The following SIK2 variants were observed in gnomAD, a reference collection of about 807,000 sequenced individuals.
SIK2 encodes the protein salt inducible kinase 2, also known as serine/threonine-protein kinase SIK2.
Under a neutral mutation model 103.2 loss-of-function variants are expected in SIK2, and 29 were observed. That is an observed-to-expected ratio of 0.28 (90% CI 0.21 to 0.38). The LOEUF is 0.38. Among genes scored for constraint, SIK2 ranks in the 10% least tolerant of loss-of-function variants. The probability of loss-of-function intolerance (pLI) is 1.00; values close to 1 mark genes in which losing one functional copy is unlikely to be tolerated. For missense variants in SIK2, 879 were observed against 1,171.0 expected, an observed-to-expected ratio of 0.75 and a Z score of 3.64; for synonymous variants, 412 against 446.1, an observed-to-expected ratio of 0.92 and a Z score of 0.96.
rs1943848607 is a variant in SIK2, at chr11:111,722,996, CTT to C, written c.2147+242_2147+243del. On this transcript the variant is annotated intron_variant, in intron 14 of 14. Coordinates refer to ENST00000304987, the MANE Select transcript of SIK2 (RefSeq NM_015191.3). This position sits in a 1 kb window ranked among gnomAD's most constrained non-coding sequence, Gnocchi z 4.4. Reference sequence around the variant, plus strand: ...TTTTCCTTTTCTTCTAGCGTTTCCTCTTTGGGGTATGACTAGCTCCAAGCTTT... The same window carrying C: ...TTTTCCTTTTCTTCTAGCGTTTCCTCTGGGGTATGACTAGCTCCAAGCTTT... Among the ~76,000 whole-genome samples, 1 of 152,208 alleles carries C rather than the reference CTT, an allele frequency of 6.6e-6. No homozygotes were observed. Among genetic ancestry groups the C allele is most frequent in the African/African-American group, 2.4e-5 (1 of 41,458 alleles).
At chr11:111,680,404 T>C (rs935382396) in intron 3 of SIK2, among the ~76,000 whole-genome samples, 5 of 152,170 alleles carry the variant, frequency 3.3e-5, no homozygotes, top group African/African-American at 1.2e-4. Flanking sequence ...CAGGATTTAA[T>C]TGAGTTTTTT....
chr11:111,641,592 A>C (rs1433261608), intron 3 of SIK2, among the ~76,000 whole-genome samples: 1 of 152,036 alleles, frequency 6.6e-6, no homozygotes, highest in African/African-American at 2.4e-5. Context: ...TTAGTCCCTC[A>C]TTAATTCATT....
At chr11:111,723,282 C>T (rs1331401310) in intron 14 of SIK2, among the ~76,000 whole-genome samples, 1 of 152,148 alleles carries the variant, frequency 6.6e-6, no homozygotes, top group African/African-American at 2.4e-5. Flanking sequence ...CATTCCTGCT[C>T]ACGTTAGTAC....
At chr11:111,623,868 GTCTAC>G (rs1278127107) in intron 3 of SIK2, among the ~76,000 whole-genome samples, 1 of 152,202 alleles carries the variant, frequency 6.6e-6, no homozygotes, top group Non-Finnish European at 1.5e-5. Context: ...TCTCAGCATT[GTCTAC>G]TCAACTCAAA....
chr11:111,616,835 A>G (rs1941813052), intron 2 of SIK2, among the ~76,000 whole-genome samples: 2 of 152,182 alleles, frequency 1.3e-5, no homozygotes, highest in South Asian at 4.2e-4. Context: ...TGTCTCTTAA[A>G]AAAAAAAAGA....
At chr11:111,623,171 A>T (rs1476406131) in intron 3 of SIK2, among the ~76,000 whole-genome samples, 1 of 152,154 alleles carries the variant, frequency 6.6e-6, no homozygotes, top group Non-Finnish European at 1.5e-5. Flanking sequence ...TTCTTCTGCC[A>T]TTAATCCCAT....
intron 3 of SIK2, among the ~76,000 whole-genome samples, chr11:111,622,346 C>T (rs1444462622): frequency 3.3e-5 from 5 of 149,676 alleles, no homozygotes; most frequent in Non-Finnish European, 4.4e-5. Flanking sequence ...AGCTCCGCCT[C>T]CCAGGTTCAC....
At position 111,602,595 on chromosome 11, in the gene SIK2, A is replaced by C; in HGVS notation, c.32A>C (p.Gln11Pro). MVMADGPRHL[Q>P]RGPVRVGFYD... ...ATGGCGGATGGCCCGAGGCACTTGCAGCGCGGGCCGGTCCGGGTGGGGTTC... is the reference window on the plus strand; with the variant it reads ...ATGGCGGATGGCCCGAGGCACTTGCCGCGCGGGCCGGTCCGGGTGGGGTTC... The change falls in exon 1 of 15, where the codon CAG becomes CCG. Residue 11 changes from glutamine to proline, a missense_variant. Around this residue, in one of 7 missense-constraint regions of SIK2, gnomAD observed 47 missense variants for 43.9 expected, o/e 1.07. Coordinates refer to ENST00000304987, the MANE Select transcript of SIK2 (RefSeq NM_015191.3). The surrounding 1 kb of genome is among the most constrained non-coding windows in gnomAD (Gnocchi z 4.5). 1 of 1,530,968 alleles carries C rather than the reference A, an allele frequency of 6.5e-7. No individual in the cohort carries two copies. Among genetic ancestry groups the C allele is most frequent in the Non-Finnish European group, 8.8e-7 (1 of 1,138,860 alleles). The allele number at this position is 1,530,968 out of a possible 1,614,324, so 94.8% of individuals were successfully genotyped here.
intron 4 of SIK2, among the ~76,000 whole-genome samples, chr11:111,692,751 G>T (rs1207761558): frequency 1.3e-5 from 2 of 151,840 alleles, no homozygotes; most frequent in East Asian, 3.9e-4. Flanking sequence ...GAAAAATAGG[G>T]CTCTGTGGGA....
chr11:111,693,032 G>T (rs138781954), intron 4 of SIK2, among the ~76,000 whole-genome samples: 1 of 152,010 alleles, frequency 6.6e-6, no homozygotes, highest in East Asian at 1.9e-4. Context: ...TGTTTTCCCC[G>T]TGGGTAAAAA....
chr11:111,665,544 C>T (rs1942527675), intron 3 of SIK2, among the ~76,000 whole-genome samples: 1 of 151,924 alleles, frequency 6.6e-6, no homozygotes, highest in African/African-American at 2.4e-5. Flanking sequence ...AATATCGGGG[C>T]TGGGCGTGGT....
chr11:111,606,746 G>A (rs1941653806), intron 1 of SIK2, among the ~76,000 whole-genome samples: 1 of 151,892 alleles, frequency 6.6e-6, no homozygotes, highest in Non-Finnish European at 1.5e-5. Flanking sequence ...AAGTAACAAG[G>A]TATTATTTTT....
intron 6 of SIK2, among the ~76,000 whole-genome samples, chr11:111,702,798 G>A (rs752679263): frequency 2.2e-4 from 33 of 152,180 alleles, no homozygotes; most frequent in Non-Finnish European, 3.2e-4. Context: ...GCAGCAGCCC[G>A]TTGGAGAGCT....
intron 2 of SIK2, among the ~76,000 whole-genome samples, chr11:111,617,092 T>A (rs1418241800): frequency 6.6e-6 from 1 of 152,172 alleles, no homozygotes; most frequent in African/African-American, 2.4e-5. Flanking sequence ...GTTATAATAA[T>A]TTTTGTAAAA....
At chr11:111,717,172 C>T (rs912542864) in intron 9 of SIK2, among the ~76,000 whole-genome samples, 1 of 151,684 alleles carries the variant, frequency 6.6e-6, no homozygotes, top group African/African-American at 2.4e-5. Context: ...AAAAATTAGC[C>T]GGGCGTGGTG....
At chr11:111,640,821 G>A (rs1942173059) in intron 3 of SIK2, among the ~76,000 whole-genome samples, 1 of 125,086 alleles carries the variant, frequency 8.0e-6, no homozygotes. Flanking sequence ...TGCAAGCTCC[G>A]CCTCCCGGGT....
At chr11:111,626,833 C>T (rs1204487715) in intron 3 of SIK2, among the ~76,000 whole-genome samples, 2 of 152,098 alleles carry the variant, frequency 1.3e-5, no homozygotes, top group African/African-American at 4.8e-5. Context: ...TTAAACATGC[C>T]TTGCTCTTAA....
chr11:111,697,544 G>A (rs1264374909), intron 4 of SIK2, among the ~76,000 whole-genome samples: 1 of 152,186 alleles, frequency 6.6e-6, no homozygotes, highest in African/African-American at 2.4e-5. Flanking sequence ...TTCATGAAAT[G>A]TAAGTGTTGT....
chr11:111,637,196 T>G (rs1044448948), intron 3 of SIK2, among the ~76,000 whole-genome samples: 6 of 152,094 alleles, frequency 3.9e-5, no homozygotes, highest in African/African-American at 1.4e-4. Context: ...TTTCATAAAC[T>G]TTATCTTTTA....
Sources: gnomAD v4.1 joint callset for allele counts (sites outside exome capture counted in the v4.1 genomes callset) on GRCh38, gnomAD v4.1.1 for gene constraint, gnomAD v4.1.1 regional missense constraint, Gnocchi (gnomAD v3.1) non-coding constraint, MANE v1.5 for transcripts, NCBI Gene and HGNC (gene_info 2026-07-23, HGNC 2026-07-21) for gene names.